The following MYH10 variants were observed in gnomAD, a reference collection of about 807,000 sequenced individuals.
MYH10 encodes myosin heavy chain 10.
Under a neutral mutation model 257.8 loss-of-function variants are expected in MYH10, and 55 were observed. That is an observed-to-expected ratio of 0.21 (90% CI 0.17 to 0.27). MYH10 has a LOEUF of 0.27. MYH10 is among the 10% of genes least tolerant of loss of function. MYH10 has a pLI of 1.00. For synonymous variants in MYH10, 854 were observed against 921.7 expected (o/e 0.93, Z 1.33); for missense variants, 1,631 against 2,500.6 (o/e 0.65, Z 7.42).
intron 14 of MYH10, among the ~76,000 whole-genome samples, chr17:8,538,663 G>A (rs750177735): frequency 3.3e-5 from 5 of 152,170 alleles, no homozygotes; most frequent in Non-Finnish European, 7.3e-5. Flanking sequence ...AGGGAATAAA[G>A]GGTCCACTCT....
chr17:8,562,302 A>G (rs1431433579), intron 7 of MYH10, among the ~76,000 whole-genome samples: 2 of 151,924 alleles, frequency 1.3e-5, no homozygotes, highest in African/African-American at 2.4e-5. Flanking sequence ...ACGTCACTTG[A>G]GTGTTGGCCA....
intron 40 of MYH10, 86 bp downstream of exon 40, chr17:8,480,024 G>GA (rs1913415741): frequency 1.3e-5 from 17 of 1,311,992 alleles, no homozygotes; most frequent in Non-Finnish European, 3.2e-6. Context: ...ACGTGGTGGG[G>GA]AGCCCCCCCG....
Position 8,493,004 on chromosome 17 carries a change from TTTC to T in MYH10, c.4227_4229del (p.Lys1410del). ...CAATTGTTCCCAGGTCGTCATCTAC[TTTC>T]TTCTTGGTATCAGCCAACTAGGTTT... On this transcript the variant is annotated inframe_deletion, in exon 33 of 43. Coordinates refer to ENST00000360416, the MANE Select transcript of MYH10 (RefSeq NM_001256012.3). 1 of 1,613,572 alleles carries T rather than the reference TTTC, an allele frequency of 6.2e-7. No homozygotes were observed. Among genetic ancestry groups the T allele is most frequent in the Non-Finnish European group, 8.5e-7 (1 of 1,179,916 alleles).
intron 6 of MYH10, among the ~76,000 whole-genome samples, chr17:8,571,881 C>T (rs969599014): frequency 1.3e-5 from 2 of 152,104 alleles, no homozygotes; most frequent in African/African-American, 4.8e-5. Context: ...TCTTGCAAAG[C>T]CCTTGGTATA....
Position 8,488,703 on chromosome 17 carries a change from C to G in MYH10, c.4885-1109G>C, listed in dbSNP as rs1341406061. Among the ~76,000 whole-genome samples the G allele has an allele frequency of 4.6e-5, 7 of 152,132 alleles. No individual in the cohort carries two copies. In the South Asian group the frequency reaches 1.2e-3, roughly 27 times the overall value. ...ACTGGTCCTCTCCAAAGGGGAGAAACAAGGCCACCGCTGCTGCTGCTCTGC... is the reference window on the plus strand; with the variant it reads ...ACTGGTCCTCTCCAAAGGGGAGAAAGAAGGCCACCGCTGCTGCTGCTCTGC... On this transcript the variant is annotated intron_variant, in intron 35 of 42. Coordinates refer to ENST00000360416, the MANE Select transcript of MYH10 (RefSeq NM_001256012.3).
rs571141821 is a variant in MYH10, at chr17:8,578,350, C to T, written c.531-1012G>A. On this transcript the variant is annotated intron_variant, in intron 4 of 42. Transcript: ENST00000360416. ...CTCTGCCTCCTGGGTTCAAACAATTCTCCTGCCTCAGCTTCCCAAGTAGCT... is the reference window on the plus strand; with the variant it reads ...CTCTGCCTCCTGGGTTCAAACAATTTTCCTGCCTCAGCTTCCCAAGTAGCT... Among the ~76,000 whole-genome samples the T allele has an allele frequency of 4.1e-5, 6 of 147,146 alleles. No homozygotes were observed. In the Admixed American group the frequency reaches 4.2e-4, roughly 10 times the overall value.
rs535599450 is a variant in MYH10 at position 8,593,113 on chromosome 17, A to C, written c.503-4005T>G. 4.0e-5 allele frequency among the ~76,000 whole-genome samples: 6 copies of C among 151,340 alleles called. No individual in the cohort carries two copies. The East Asian group carries it at 1.2e-3, about 29-fold the overall frequency. ...CTCTGACCATCTGAATAGATGTAAA[A>C]AAGCGTTTGACAAAACTTAATATCC... On this transcript the variant is annotated intron_variant, in intron 3 of 42. Transcript: ENST00000360416.
intron 7 of MYH10, among the ~76,000 whole-genome samples, chr17:8,555,871 A>G (rs1232976955): frequency 7.0e-6 from 1 of 142,510 alleles, no homozygotes; most frequent in East Asian, 2.1e-4. Flanking sequence ...CTGGGAGATA[A>G]TATTTGGGAA....
Position 8,492,457 on chromosome 17 carries a change from C to T in MYH10, c.4511G>A (p.Arg1504Gln), listed in dbSNP as rs752597134. Residue 1504 changes from arginine (R) to glutamine (Q), a missense_variant, in exon 34 of 43, where the codon CGG (arginine) becomes CAG (glutamine). By Grantham distance (43) the Arg-to-Gln change is conservative. Coordinates refer to ENST00000360416, the MANE Select transcript of MYH10 (RefSeq NM_001256012.3). ...TTTCTCTCTGGCCTCGGCTTCGGCC[C>T]GGTCCCGCTCTTCGGCATAGCGAGC... ...ISARYAEERDRAEAEAREKET... is the reference protein window; with the variant it reads ...ISARYAEERDQAEAEAREKET... 3.2e-5 allele frequency: 52 copies of T among 1,612,530 alleles called. 1 individual carries two copies. The highest frequency in any genetic ancestry group is 4.5e-5 in the East Asian group (2 of 44,886).
chr17:8,523,372 G>A (rs774932681), intron 17 of MYH10, among the ~76,000 whole-genome samples: 1 of 152,198 alleles, frequency 6.6e-6, no homozygotes, highest in Non-Finnish European at 1.5e-5. Flanking sequence ...AAATATCTTT[G>A]TAATTAAAAA....
chr17:8,498,263 G>C (rs1916972477), intron 30 of MYH10, among the ~76,000 whole-genome samples: 1 of 151,920 alleles, frequency 6.6e-6, no homozygotes, highest in Non-Finnish European at 1.5e-5. Flanking sequence ...TGGGATTATA[G>C]GTGTGAGCTA....
Position 8,492,868 on chromosome 17 carries a change from G to A in MYH10, c.4366C>T (p.Leu1456=), listed in dbSNP as rs1400443475. 1 of 1,613,966 alleles carries A rather than the reference G, an allele frequency of 6.2e-7. No individual in the cohort carries two copies. The highest frequency in any genetic ancestry group is 8.5e-7 in the Non-Finnish European group (1 of 1,180,020). ...YDKLEKTKNR[L]QQELDDLTVD... is the part of the protein sequence containing the mutation. ...GTGAGGTCGTCCAGCTCCTGCTGCA[G>A]GCGGTTCTTGGTCTTCTCCAGTTTG... Residue 1456 remains leucine (L), a synonymous_variant, in exon 33 of 43, where the codon CTG becomes TTG. Coordinates refer to ENST00000360416, the MANE Select transcript of MYH10 (RefSeq NM_001256012.3).
intron 13 of MYH10, among the ~76,000 whole-genome samples, chr17:8,542,870 C>A (rs1055043596): frequency 2.0e-5 from 3 of 152,172 alleles, no homozygotes; most frequent in Admixed American, 2.0e-4. Context: ...ATGAGACTCT[C>A]TATCGTTTCT....
At chr17:8,606,415 T>C (rs1367113775) in intron 2 of MYH10, among the ~76,000 whole-genome samples, 2 of 152,118 alleles carry the variant, frequency 1.3e-5, no homozygotes, top group African/African-American at 2.4e-5. Flanking sequence ...TTGAGGTGAT[T>C]TGGGTAGACC....
chr17:8,553,384 C>T (rs2082702942), intron 8 of MYH10, among the ~76,000 whole-genome samples: 1 of 152,174 alleles, frequency 6.6e-6, no homozygotes, highest in Admixed American at 6.5e-5. Context: ...AATTGGCACA[C>T]TATCATTCAG....
rs143073437 is a variant in MYH10, at chr17:8,556,468, C to T, written c.757-2450G>A. On this transcript the variant is annotated intron_variant, in intron 7 of 42. Transcript: ENST00000360416. ...AATAAACCAGGGACACACCCAACAA[C>T]GTGGATGGATCTAAAAAGCATTCTG... is the stretch of plus-strand genomic sequence containing the variant. 1.8e-4 allele frequency among the ~76,000 whole-genome samples: 27 copies of T among 152,304 alleles called. 1 individual carries two copies. In the East Asian group the frequency reaches 3.5e-3, roughly 20 times the overall value.
intron 3 of MYH10, among the ~76,000 whole-genome samples, chr17:8,592,964 T>C (rs1188780546): frequency 8.3e-6 from 1 of 119,916 alleles, no homozygotes; most frequent in Non-Finnish European, 1.7e-5. Flanking sequence ...TATATATATA[T>C]ATATATAAAA....
At chr17:8,570,018 A>G (rs1043162436) in intron 6 of MYH10, among the ~76,000 whole-genome samples, 1 of 152,210 alleles carries the variant, frequency 6.6e-6, no homozygotes, top group Admixed American at 6.5e-5. Context: ...TAGCATCTAT[A>G]AAGTGGTCAC....
intron 28 of MYH10, among the ~76,000 whole-genome samples, chr17:8,503,082 C>G (rs1241920538): frequency 1.3e-5 from 2 of 151,990 alleles, no homozygotes; most frequent in Admixed American, 6.6e-5. Context: ...CGGGAGTTTG[C>G]GACCAGCCTG....
Sources: allele counts gnomAD v4.1 joint callset (sites outside exome capture counted in the v4.1 genomes callset), GRCh38; gene constraint gnomAD v4.1.1; transcripts MANE v1.5; gene names NCBI Gene and HGNC (gene_info 2026-07-23, HGNC 2026-07-21).